CPNE8: variants seen among roughly 807,000 people sequenced by gnomAD.
CPNE8 encodes copine 8.
CPNE8 carries 45 observed loss-of-function variants against 81.5 expected under a neutral mutation model. The observed-to-expected ratio is 0.55, with a 90% CI of 0.44 to 0.71. CPNE8 has a LOEUF of 0.71. CPNE8 is among the 30% of genes least tolerant of loss of function. CPNE8 has a pLI of 0.00. For missense variants in CPNE8, 594 were observed against 672.1 expected, an observed-to-expected ratio of 0.88 and a Z score of 1.28; for synonymous variants, 252 against 226.3, an observed-to-expected ratio of 1.11 and a Z score of -1.02.
At chr12:38,865,346 A>G (rs1184262909) in intron 3 of CPNE8, among the ~76,000 whole-genome samples, 1 of 152,200 alleles carries the variant, frequency 6.6e-6, no homozygotes, top group African/African-American at 2.4e-5. Flanking sequence ...ATTGTTCTAG[A>G]CAGATATTAA....
rs139553561 is a variant in CPNE8 at position 38,835,531 on chromosome 12, T to C, written c.330+4385A>G. 6.3e-3 allele frequency among the ~76,000 whole-genome samples: 965 copies of C among 152,342 alleles called. 5 individuals are homozygous for C. Among genetic ancestry groups the C allele is most frequent in the African/African-American group, 0.022 (905 of 41,590 alleles). On this transcript the variant is annotated intron_variant, in intron 5 of 19. Transcript: ENST00000331366. ...TAGGAGAGAGGCCTTGTTTGTCTTA[T>C]TCATTGCTATATTCCCCAGCATGAC...
At chr12:38,853,326 A>C (rs570771460) in intron 3 of CPNE8, among the ~76,000 whole-genome samples, 189 of 152,286 alleles carry the variant, frequency 1.2e-3, no homozygotes, top group Non-Finnish European at 1.2e-3. Context: ...GATGTTATAC[A>C]CCCAGAAACA....
intron 3 of CPNE8, among the ~76,000 whole-genome samples, chr12:38,871,734 A>G (rs546001663): frequency 8.6e-4 from 131 of 152,352 alleles, no homozygotes; most frequent in Non-Finnish European, 1.6e-3. Flanking sequence ...TTGCAGTTTC[A>G]TATTTTGGCT....
At chr12:38,694,836 C>T (rs1939758326) in intron 14 of CPNE8, among the ~76,000 whole-genome samples, 1 of 152,074 alleles carries the variant, frequency 6.6e-6, no homozygotes, top group Admixed American at 6.6e-5. Flanking sequence ...AGAAGAAAAG[C>T]CTCAGGACAT....
chr12:38,890,181 T>C (rs576971511), intron 1 of CPNE8, among the ~76,000 whole-genome samples: 128 of 152,288 alleles, frequency 8.4e-4, no homozygotes, highest in Non-Finnish European at 1.3e-3. Flanking sequence ...TCTTTTTTTT[T>C]CCTAATTTTA....
intron 16 of CPNE8, among the ~76,000 whole-genome samples, chr12:38,682,329 G>A (rs551632907): frequency 2.0e-5 from 3 of 152,230 alleles, no homozygotes; most frequent in East Asian, 1.9e-4. Flanking sequence ...AGGCCAAGGC[G>A]GGCGGATCGC....
intron 1 of CPNE8, among the ~76,000 whole-genome samples, chr12:38,896,610 G>T (rs1944392453): frequency 1.3e-5 from 2 of 152,050 alleles, no homozygotes. Context: ...CTAAAACTTG[G>T]TTATTATAGC....
rs147716200 is a variant in CPNE8 at position 38,705,591 on chromosome 12, T to C, written c.915-2670A>G. ...AGTACAAACTTTTAGAAAAAGAATA[T>C]AGTAAGACTTCTGGGAGAACATTTT... On this transcript the variant is annotated intron_variant, in intron 13 of 19. Transcript: ENST00000331366. Among the ~76,000 whole-genome samples, 456 of 152,268 alleles carry C rather than the reference T, an allele frequency of 3.0e-3. 5 individuals are homozygous for C. The highest frequency in any genetic ancestry group is 0.022 in the Admixed American group (334 of 15,292).
chr12:38,732,106 TA>T (rs1940845302), intron 10 of CPNE8, among the ~76,000 whole-genome samples: 1 of 151,886 alleles, frequency 6.6e-6, no homozygotes, highest in Non-Finnish European at 1.5e-5. Context: ...GAACCTAACA[TA>T]GGGGCCTTAA....
intron 14 of CPNE8, among the ~76,000 whole-genome samples, chr12:38,694,640 T>C (rs1247591135): frequency 2.0e-5 from 3 of 152,280 alleles, no homozygotes; most frequent in Admixed American, 1.3e-4. Flanking sequence ...AGTGATGAAA[T>C]TGAGAGAAAG....
chr12:38,899,877 T>C (rs1944434768), intron 1 of CPNE8, among the ~76,000 whole-genome samples: 1 of 152,098 alleles, frequency 6.6e-6, no homozygotes, highest in Non-Finnish European at 1.5e-5. Context: ...GCTGCCAAGG[T>C]GGCACACATG....
At chr12:38,775,002 T>C (rs1313548500) in intron 7 of CPNE8, among the ~76,000 whole-genome samples, 1 of 152,214 alleles carries the variant, frequency 6.6e-6, no homozygotes, top group Non-Finnish European at 1.5e-5. Flanking sequence ...ATCCCAAAGG[T>C]ATGTAATCAG....
intron 6 of CPNE8, among the ~76,000 whole-genome samples, chr12:38,778,330 C>A (rs901168991): frequency 6.6e-6 from 1 of 152,046 alleles, no homozygotes; most frequent in Non-Finnish European, 1.5e-5. Context: ...AAGCATGTCT[C>A]GGGACATATC....
Position 38,745,760 on chromosome 12 carries a change from G to T in CPNE8, c.722+15087C>A, listed in dbSNP as rs547181195. ...AGGTCTCACTATGTTACCCAGGCTG[G>T]TCTCAAACTCCTGGGCTCAAGCAAT... On this transcript the variant is annotated intron_variant, in intron 10 of 19. Transcript: ENST00000331366. Among the ~76,000 whole-genome samples, 222 of 152,260 alleles carry T rather than the reference G, an allele frequency of 1.5e-3. 1 individual carries two copies. Among genetic ancestry groups the T allele is most frequent in the African/African-American group, 5.1e-3 (210 of 41,554 alleles).
chr12:38,817,875 G>T (rs1813044092), intron 6 of CPNE8, among the ~76,000 whole-genome samples: 1 of 151,998 alleles, frequency 6.6e-6, no homozygotes, highest in African/African-American at 2.4e-5. Flanking sequence ...CTCCTGCCTT[G>T]GCCTCCCAAA....
intron 6 of CPNE8, among the ~76,000 whole-genome samples, chr12:38,783,718 A>C (rs1363351705): frequency 1.3e-5 from 2 of 152,232 alleles, no homozygotes; most frequent in Non-Finnish European, 2.9e-5. Flanking sequence ...ATAGAACAAG[A>C]GTCTCTGCCA....
In CPNE8 at chr12:38,800,090, G is replaced by A. The variant is rs1047899384; in HGVS notation, c.408-23789C>T. On this transcript the variant is annotated intron_variant, in intron 6 of 19. Transcript: ENST00000331366. ...CAACGAGGCTGGGGGAGGGGCGCCC[G>A]CCATTGCCCAGGCTTGCTTAGGTAG... Among the ~76,000 whole-genome samples, 865 of 131,596 alleles carry A rather than the reference G, an allele frequency of 6.6e-3. 14 individuals are homozygous for A. Among genetic ancestry groups the A allele is most frequent in the African/African-American group, 0.021 (798 of 38,344 alleles). The allele number at this position is 131,596 out of a possible 152,430, so 86.3% of individuals were successfully genotyped here.
chr12:38,717,458 T>TATATATATATATATATATATATAA, intron 13 of CPNE8, among the ~76,000 whole-genome samples: 1 of 138,738 alleles, frequency 7.2e-6, no homozygotes, highest in South Asian at 2.3e-4. Flanking sequence ...TATATATATA[T>TATATATATATATATATATATATAA]ACACCATGGA....
At chr12:38,700,664 G>C (rs1293092977) in intron 14 of CPNE8, among the ~76,000 whole-genome samples, 1 of 152,104 alleles carries the variant, frequency 6.6e-6, no homozygotes, top group African/African-American at 2.4e-5. Context: ...TGTTGATAAT[G>C]GTTTGGCTGT....
Sources: allele counts gnomAD v4.1 joint callset (sites outside exome capture counted in the v4.1 genomes callset), GRCh38; gene constraint gnomAD v4.1.1; transcripts MANE v1.5; gene names NCBI Gene and HGNC (gene_info 2026-07-23, HGNC 2026-07-21).